The following PPP2CB variants were observed in gnomAD, a reference collection of about 807,000 sequenced individuals.
The protein encoded by PPP2CB is serine/threonine-protein phosphatase 2A catalytic subunit beta isoform.
A neutral mutation model predicts 39.1 loss-of-function variants in PPP2CB; 18 were observed. The ratio of observed to expected loss-of-function variants is 0.46; its 90% confidence interval spans 0.32 to 0.68. The LOEUF (loss-of-function observed/expected upper bound fraction) is 0.68. Ranked by LOEUF, PPP2CB falls within the 30% of genes least tolerant of loss-of-function variation. The pLI is 0.04. For synonymous variants in PPP2CB, 129 were observed against 133.8 expected (o/e 0.96, Z 0.25); for missense variants, 226 against 396.9 (o/e 0.57, Z 3.66).
intron 6 of PPP2CB, among the ~76,000 whole-genome samples, chr8:30,789,133 C>CCTCA (rs1563574625): frequency 1.3e-5 from 2 of 151,456 alleles, no homozygotes; most frequent in African/African-American, 4.9e-5. Flanking sequence ...CAGGTTCAAG[C>CCTCA]GATTCTCCTG....
chr8:30,807,070 T>C (rs963698218), intron 1 of PPP2CB, among the ~76,000 whole-genome samples: 1 of 152,198 alleles, frequency 6.6e-6, no homozygotes, highest in Non-Finnish European at 1.5e-5. Context: ...AGGAAAACAA[T>C]GATTTGTTCA....
At chr8:30,786,412 A>G in intron 6 of PPP2CB, 105 bp from the exon 7 acceptor site, 1 of 883,008 alleles carries the variant, frequency 1.1e-6, no homozygotes, top group Admixed American at 2.6e-5. Context: ...CTGCTTTCCC[A>G]CCATGACTAC....
intron 1 of PPP2CB, among the ~76,000 whole-genome samples, chr8:30,804,878 T>C (rs369222885): frequency 2.6e-5 from 4 of 152,096 alleles, no homozygotes; most frequent in East Asian, 3.9e-4. Flanking sequence ...GAAGGTTTTC[T>C]ATGACCACCC....
At chr8:30,796,238 A>C (rs1183658328) in intron 3 of PPP2CB, among the ~76,000 whole-genome samples, 1 of 152,226 alleles carries the variant, frequency 6.6e-6, no homozygotes, top group Non-Finnish European at 1.5e-5. Context: ...CATGGCTGAG[A>C]AAAAAGACTG....
intron 3 of PPP2CB, 72 bp from the exon 4 acceptor site, chr8:30,794,353 G>C: frequency 7.8e-7 from 1 of 1,287,366 alleles, no homozygotes; most frequent in Non-Finnish European, 1.1e-6. Flanking sequence ...AGTAAATAAT[G>C]GTTAAAAGTG....
At chr8:30,790,149 G>A (rs1038474711) in intron 6 of PPP2CB, among the ~76,000 whole-genome samples, 1 of 148,914 alleles carries the variant, frequency 6.7e-6, no homozygotes, top group Non-Finnish European at 1.5e-5. Flanking sequence ...GTTCTGGGTG[G>A]ACATGAATTT....
intron 1 of PPP2CB, among the ~76,000 whole-genome samples, chr8:30,808,878 T>TA (rs1383561340): frequency 6.6e-6 from 1 of 151,940 alleles, no homozygotes; most frequent in Non-Finnish European, 1.5e-5. Flanking sequence ...TTCCTTTAGT[T>TA]AACATTCACT....
chr8:30,790,278 G>A (rs935026280), intron 6 of PPP2CB, among the ~76,000 whole-genome samples: 7 of 152,154 alleles, frequency 4.6e-5, no homozygotes, highest in African/African-American at 7.2e-5. Context: ...CATGTGCACA[G>A]CCTTCTTGTC....
At chr8:30,798,415 C>T (rs1249470915) in intron 2 of PPP2CB, among the ~76,000 whole-genome samples, 2 of 152,150 alleles carry the variant, frequency 1.3e-5, no homozygotes, top group Non-Finnish European at 2.9e-5. Flanking sequence ...ACTAAGCATC[C>T]GTTATGTGTC....
At chr8:30,803,198 T>A (rs1474661894) in intron 1 of PPP2CB, among the ~76,000 whole-genome samples, 2 of 152,222 alleles carry the variant, frequency 1.3e-5, no homozygotes, top group African/African-American at 4.8e-5. Context: ...TGTTTTTTTT[T>A]AAGACATGGT....
chr8:30,801,770 T>C (rs1267293641), intron 1 of PPP2CB, among the ~76,000 whole-genome samples: 1 of 152,150 alleles, frequency 6.6e-6, no homozygotes, highest in Non-Finnish European at 1.5e-5. Context: ...CTGTAGCGAT[T>C]TTCAAAACAC....
chr8:30,792,939 G>A (rs184869169), intron 5 of PPP2CB, among the ~76,000 whole-genome samples: 43 of 151,876 alleles, frequency 2.8e-4, no homozygotes, highest in Admixed American at 2.7e-3. Flanking sequence ...CTGGGCTGGC[G>A]AAGTTTTCTC....
chr8:30,806,244 C>A (rs186840545), intron 1 of PPP2CB, among the ~76,000 whole-genome samples: 1,703 of 150,854 alleles, frequency 0.011, 33 homozygotes, highest in African/African-American at 0.039. Context: ...TTAGTGGAGA[C>A]GGGGTTTCAC....
At position 30,799,560 on chromosome 8, in the gene PPP2CB, G is replaced by A. The variant is rs1218027442; in HGVS notation, c.298C>T (p.Leu100Phe). 3 of 1,609,980 alleles carry A rather than the reference G, an allele frequency of 1.9e-6. No individual in the cohort carries two copies. The highest frequency in any genetic ancestry group is 1.6e-4 in the Middle Eastern group (1 of 6,070). The change falls in exon 2 of 7, where the codon CTT (leucine) becomes TTT (phenylalanine). Residue 100 changes from leucine (L) to phenylalanine (F), a missense_variant. By Grantham distance (22) the Leu-to-Phe change is conservative. Transcript: ENST00000221138. ...AATAATCATACCTTTAATGCTACAAGAAGAGTCACAGTCTCCACTGAATAA... is the reference window on the plus strand; with the variant it reads ...AATAATCATACCTTTAATGCTACAAAAAGAGTCACAGTCTCCACTGAATAA... ...GYYSVETVTL[L>F]VALKVRYPER...
chr8:30,809,682 C>T (rs984892536), intron 1 of PPP2CB, among the ~76,000 whole-genome samples: 3 of 152,206 alleles, frequency 2.0e-5, no homozygotes, highest in Middle Eastern at 3.4e-3. Flanking sequence ...GGCTCACTCC[C>T]GCAATCCCTG....
Position 30,785,941 on chromosome 8 carries a change from A to T in PPP2CB, c.*294T>A, listed in dbSNP as rs1439894639. ...TTCCAAATAAGCGCAAAAGGAGATG[A>T]AGCAGTTAGTTACCTTTTTTGCTTG... On this transcript the variant is annotated 3_prime_UTR_variant, in exon 7 of 7. Transcript: ENST00000221138. The T allele has an allele frequency of 1.8e-6, 1 of 541,218 alleles. No individual in the cohort carries two copies. The highest frequency in any genetic ancestry group is 3.5e-6 in the Non-Finnish European group (1 of 284,382). 33.5% of individuals were successfully genotyped at this position (541,218 alleles called of 1,614,324 possible).
chr8:30,809,481 C>T (rs73587247), intron 1 of PPP2CB, among the ~76,000 whole-genome samples: 65 of 152,140 alleles, frequency 4.3e-4, no homozygotes, highest in African/African-American at 1.4e-3. Context: ...GTCATAGCTG[C>T]CAGAAGAGGG....
At chr8:30,791,959 T>G (rs527348870) in intron 5 of PPP2CB, among the ~76,000 whole-genome samples, 29 of 137,018 alleles carry the variant, frequency 2.1e-4, no homozygotes, top group Admixed American at 8.8e-4. Flanking sequence ...TGCGCATATA[T>G]GTATACGTGT....
At position 30,799,700 on chromosome 8, in the gene PPP2CB, G is replaced by A; in HGVS notation, c.158C>T (p.Thr53Ile). The change falls in exon 2 of 7, where the codon ACT becomes ATT. Residue 53 changes from threonine (T) to isoleucine (I), a missense_variant. By Grantham distance (89) the Thr-to-Ile change is moderately conservative. Around this residue, in one of 4 missense-constraint regions of PPP2CB, gnomAD observed 110 missense variants for 244.1 expected, o/e 0.45. Transcript: ENST00000221138. Reference sequence around the variant, plus strand: ...TTGACCATGCACATCTCCACAGACAGTAACAGGGCAACGAACCTCTTGCAC... The same window carrying A: ...TTGACCATGCACATCTCCACAGACAATAACAGGGCAACGAACCTCTTGCAC... ...SNVQEVRCPV[T>I]VCGDVHGQFH... 1 of 1,614,034 alleles carries A rather than the reference G, an allele frequency of 6.2e-7. No individual in the cohort carries two copies. The highest frequency in any genetic ancestry group is 8.5e-7 in the Non-Finnish European group (1 of 1,179,956).
Sources: allele counts gnomAD v4.1 joint callset (sites outside exome capture counted in the v4.1 genomes callset), GRCh38; gene constraint gnomAD v4.1.1; regional missense constraint gnomAD v4.1.1; transcripts MANE v1.5; gene names NCBI Gene and HGNC (gene_info 2026-07-23, HGNC 2026-07-21).